Variants in CYP2C19 observed in about 807,000 individuals in gnomAD.
CYP2C19 encodes cytochrome P450 2C19.
Under a neutral mutation model 40.9 loss-of-function variants are expected in CYP2C19, and 59 were observed. The ratio of observed to expected loss-of-function variants is 1.44; its 90% CI spans 1.17 to 1.79. CYP2C19 has a LOEUF of 1.79. CYP2C19 is among the 40% of genes most tolerant of loss of function. CYP2C19 has a pLI of 0.00. For missense variants in CYP2C19, 754 were observed against 596.9 expected, an observed-to-expected ratio of 1.26 and a Z score of -2.74; for synonymous variants, 253 against 208.7, an observed-to-expected ratio of 1.21 and a Z score of -1.83.
chr10:94,775,100 C>G lies in CYP2C19; in HGVS notation c.211C>G (p.Leu71Val), dbSNP rs1255009204. 1 of 1,613,988 alleles carries G rather than the reference C, an allele frequency of 6.2e-7. No homozygotes were observed. Residue 71 changes from leucine (L) to valine (V), a missense_variant, in exon 2 of 9, where the codon CTG (leucine) becomes GTG (valine). Physicochemically the swap from Leu to Val is conservative, Grantham distance 32. Transcript: ENST00000371321. Reference protein sequence around the residue: ...YGPVFTLYFGLERMVVLHGYE... With the variant: ...YGPVFTLYFGVERMVVLHGYE... Reference sequence around the variant, plus strand: ...CCCTGTGTTCACTCTGTATTTTGGCCTGGAACGCATGGTGGTGCTGCATGG... The same window carrying G: ...CCCTGTGTTCACTCTGTATTTTGGCGTGGAACGCATGGTGGTGCTGCATGG...
At chr10:94,830,124 C>A (rs548420877) in intron 6 of CYP2C19, among the ~76,000 whole-genome samples, 1 of 152,194 alleles carries the variant, frequency 6.6e-6, no homozygotes, top group Non-Finnish European at 1.5e-5. Context: ...CTGTGCCCTG[C>A]CCCCAGAGGT....
chr10:94,809,713 C>A (rs1190176035), intron 5 of CYP2C19, among the ~76,000 whole-genome samples: 1 of 151,964 alleles, frequency 6.6e-6, no homozygotes, highest in Non-Finnish European at 1.5e-5. Context: ...GTCATAAATA[C>A]CTCTTACTAT....
rs865816837 is a variant in CYP2C19, at chr10:94,823,297, G to T, written c.961+2660G>T. On this transcript the variant is annotated intron_variant, in intron 6 of 8. Coordinates refer to ENST00000371321, the MANE Select transcript of CYP2C19 (RefSeq NM_000769.4). The stretch of plus-strand genomic sequence containing the variant: ...TAATTTTCTCCCACAAGAAAAAGGA[G>T]GCTTACTCTCTAGAGAAACTGAGTT... Among the ~76,000 whole-genome samples the T allele has an allele frequency of 3.3e-5, 5 of 152,182 alleles. No individual in the cohort carries two copies. The South Asian group carries it at 8.3e-4, about 25-fold the overall frequency.
In CYP2C19 at chr10:94,853,062, A is replaced by T; in HGVS notation, c.*148A>T. 1.2e-6 allele frequency: 1 copy of T among 831,342 alleles called. No homozygotes were observed. The allele number at this position is 831,342 out of a possible 1,614,324, so 51.5% of individuals were successfully genotyped here. A position where few individuals can be genotyped will look rare whatever the true frequency, so the allele number is the denominator to read the frequency against. Reference sequence around the variant, plus strand: ...TCTAGTGAACATTCAGCCTCCATTAAAAAAGTTTCACTGTGCAAATATATC... The same window carrying T: ...TCTAGTGAACATTCAGCCTCCATTATAAAAGTTTCACTGTGCAAATATATC... On this transcript the variant is annotated 3_prime_UTR_variant, in exon 9 of 9. Coordinates refer to ENST00000371321, the MANE Select transcript of CYP2C19 (RefSeq NM_000769.4).
In CYP2C19 at chr10:94,853,553, T is replaced by TA. The variant is rs1332739644; in HGVS notation, c.*639_*640insA. 6.6e-6 allele frequency among the ~76,000 whole-genome samples: 1 copy of TA among 151,018 alleles called. No individual in the cohort carries two copies. Among genetic ancestry groups the TA allele is most frequent in the African/African-American group, 2.4e-5 (1 of 41,038 alleles). On this transcript the variant is annotated 3_prime_UTR_variant, in exon 9 of 9. Coordinates refer to ENST00000371321, the MANE Select transcript of CYP2C19 (RefSeq NM_000769.4). ...ATGTTCCACATTGGTGTTCCTTTTT[T>TA]TTTTTTTTTTGAGACAATGTCTCAC...
rs931977494 is a variant in CYP2C19, at chr10:94,778,368, G to A, written c.482-2131G>A. ...CACCTGAAACTATGCAGAGCCTTCC[G>A]ACCTTTCAGAAGGCCTGCTCCTTTC... On this transcript the variant is annotated intron_variant, in intron 3 of 8. Transcript: ENST00000371321. Among the ~76,000 whole-genome samples, 4 of 152,066 alleles carry A rather than the reference G, an allele frequency of 2.6e-5. 1 individual carries two copies. Among genetic ancestry groups the A allele is most frequent in the Non-Finnish European group, 2.9e-5 (2 of 68,004 alleles).
intron 5 of CYP2C19, among the ~76,000 whole-genome samples, chr10:94,796,901 T>C (rs1386496550): frequency 1.3e-5 from 2 of 152,144 alleles, no homozygotes; most frequent in East Asian, 1.9e-4. Context: ...GCTGTGACAA[T>C]GTGGTTTTCT....
chr10:94,831,419 A>G (rs1408800569), intron 6 of CYP2C19, among the ~76,000 whole-genome samples: 1 of 152,066 alleles, frequency 6.6e-6, no homozygotes. Context: ...TGGTAGTTTT[A>G]TTTTTAGTTT....
intron 5 of CYP2C19, among the ~76,000 whole-genome samples, chr10:94,783,848 A>G (rs1354567786): frequency 6.6e-6 from 1 of 152,172 alleles, no homozygotes; most frequent in Non-Finnish European, 1.5e-5. Flanking sequence ...AGCCAATGGG[A>G]ATTTTGACAG....
At chr10:94,803,844 G>A (rs1273761392) in intron 5 of CYP2C19, among the ~76,000 whole-genome samples, 10 of 152,160 alleles carry the variant, frequency 6.6e-5, no homozygotes, top group Admixed American at 6.5e-4. Context: ...GGGGAGGGTG[G>A]CTCAGGCTGA....
At chr10:94,840,297 T>C (rs1032773444) in intron 6 of CYP2C19, among the ~76,000 whole-genome samples, 1 of 151,584 alleles carries the variant, frequency 6.6e-6, no homozygotes, top group Non-Finnish European at 1.5e-5. Context: ...TGTCTCTCTC[T>C]CTGTCTCTCT....
Position 94,822,278 on chromosome 10 carries a change from T to C in CYP2C19, c.961+1641T>C, listed in dbSNP as rs1426988422. 2.0e-5 allele frequency among the ~76,000 whole-genome samples: 3 copies of C among 152,186 alleles called. No homozygotes were observed. In the East Asian group the frequency reaches 5.8e-4, roughly 29 times the overall value. On this transcript the variant is annotated intron_variant, in intron 6 of 8. Coordinates refer to ENST00000371321, the MANE Select transcript of CYP2C19 (RefSeq NM_000769.4). ...GACTGGAAAGGCCTCACAATAAGTCTCTGATAGCAAGACTTATTTACTATC... is the reference window on the plus strand; with the variant it reads ...GACTGGAAAGGCCTCACAATAAGTCCCTGATAGCAAGACTTATTTACTATC...
At chr10:94,833,905 T>C (rs1299926964) in intron 6 of CYP2C19, among the ~76,000 whole-genome samples, 2 of 152,304 alleles carry the variant, frequency 1.3e-5, no homozygotes, top group South Asian at 2.1e-4. Flanking sequence ...GGTTTCCTAG[T>C]ATTTTGTTGA....
intron 5 of CYP2C19, among the ~76,000 whole-genome samples, chr10:94,783,073 C>T (rs1350247732): frequency 2.6e-5 from 4 of 151,946 alleles, no homozygotes; most frequent in African/African-American, 4.8e-5. Flanking sequence ...CAATCCTGCA[C>T]GTTCTGCACA....
At chr10:94,827,174 C>T (rs2134274249) in intron 6 of CYP2C19, among the ~76,000 whole-genome samples, 1 of 151,666 alleles carries the variant, frequency 6.6e-6, no homozygotes, top group East Asian at 1.9e-4. Flanking sequence ...ATGCTGGCCT[C>T]ATAAAATGAG....
chr10:94,848,666 G>T (rs577568361), intron 7 of CYP2C19, among the ~76,000 whole-genome samples: 2 of 152,132 alleles, frequency 1.3e-5, no homozygotes, highest in Middle Eastern at 3.2e-3. Flanking sequence ...ATTACCTTGG[G>T]CAGTATGGCC....
chr10:94,816,469 G>C (rs1384592324), intron 5 of CYP2C19, among the ~76,000 whole-genome samples: 1 of 151,724 alleles, frequency 6.6e-6, no homozygotes, highest in South Asian at 2.1e-4. Context: ...CCAAACAGCA[G>C]GCTATTTATA....
At chr10:94,851,254 A>G (rs1039907744) in intron 8 of CYP2C19, among the ~76,000 whole-genome samples, 2 of 147,060 alleles carry the variant, frequency 1.4e-5, no homozygotes, top group Non-Finnish European at 1.5e-5. Flanking sequence ...GAGAGAGAGC[A>G]AAGAGGAAAG....
chr10:94,775,151 A>C lies in CYP2C19; in HGVS notation c.262A>C (p.Ile88Leu). Residue 88 changes from isoleucine (I) to leucine (L), a missense_variant, in exon 2 of 9, where the codon ATT (isoleucine) becomes CTT (leucine). Transcript: ENST00000371321. ...ATATGAAGTGGTGAAGGAAGCCCTGATTGATCTTGGAGAGGAGTTTTCTGG... is the reference window on the plus strand; with the variant it reads ...ATATGAAGTGGTGAAGGAAGCCCTGCTTGATCTTGGAGAGGAGTTTTCTGG... ...HGYEVVKEAL[I>L]DLGEEFSGRG... 1.2e-6 allele frequency: 2 copies of C among 1,614,106 alleles called. No homozygotes were observed. Among genetic ancestry groups the C allele is most frequent in the African/African-American group, 2.7e-5 (2 of 75,040 alleles).
Sources: allele counts gnomAD v4.1 joint callset (sites outside exome capture counted in the v4.1 genomes callset), GRCh38; gene constraint gnomAD v4.1.1; transcripts MANE v1.5; gene names NCBI Gene and HGNC (gene_info 2026-07-23, HGNC 2026-07-21).